The following FAM107A variants were observed in gnomAD, a reference collection of about 807,000 sequenced individuals.
The protein encoded by FAM107A is actin-associated protein FAM107A.
FAM107A carries 19 observed loss-of-function variants against 13.7 expected under a neutral mutation model. That is an observed-to-expected ratio of 1.38 (90% CI 0.97 to 2.03). The LOEUF is 2.03. Among genes scored for constraint, FAM107A ranks in the 30% most tolerant of loss-of-function variants. FAM107A has a pLI of 0.00. For missense variants in FAM107A, 203 were observed against 184.4 expected (o/e 1.10, Z -0.58); for synonymous variants, 82 against 74.5 (o/e 1.10, Z -0.52).
At chr3:58,589,206 C>T, upstream of FAM107A, 1 of 1,531,808 alleles carries the variant, frequency 6.5e-7, no homozygotes, top group Non-Finnish European at 8.7e-7. Context: ...TCTGACTTAC[C>T]TGAGCCATTT....
upstream of FAM107A, among the ~76,000 whole-genome samples, chr3:58,578,180 C>T (rs1021557944): frequency 2.6e-5 from 4 of 152,210 alleles, no homozygotes; most frequent in Non-Finnish European, 5.9e-5. Flanking sequence ...CTGGACTCTA[C>T]GTGATCTGAG....
intron 1 of FAM107A, among the ~76,000 whole-genome samples, chr3:58,619,448 G>A (rs1239882650): frequency 6.6e-6 from 1 of 152,166 alleles, no homozygotes; most frequent in Non-Finnish European, 1.5e-5. Context: ...AGGCTGAAGA[G>A]GGCTGGAAAA....
At chr3:58,626,371 G>T (rs1425268187) in intron 1 of FAM107A, among the ~76,000 whole-genome samples, 1 of 152,166 alleles carries the variant, frequency 6.6e-6, no homozygotes, top group Admixed American at 6.5e-5. Flanking sequence ...CCAGCTGAGA[G>T]CTCAGGCTTA....
chr3:58,621,434 G>A (rs1327485835), intron 1 of FAM107A, among the ~76,000 whole-genome samples: 1 of 152,102 alleles, frequency 6.6e-6, no homozygotes, highest in East Asian at 1.9e-4. Flanking sequence ...TTTTGAACAA[G>A]GGACCCCACA....
intron 1 of FAM107A, among the ~76,000 whole-genome samples, chr3:58,571,724 G>A (rs77853035): frequency 0.023 from 3,430 of 152,266 alleles, 41 homozygotes; most frequent in African/African-American, 0.036. Flanking sequence ...ATTGTCAAGT[G>A]TCGCCCATCC....
chr3:58,610,689 T>C (rs2065845182), intron 1 of FAM107A, among the ~76,000 whole-genome samples: 1 of 152,244 alleles, frequency 6.6e-6, no homozygotes. Context: ...ATCACTGATA[T>C]TCCCAGAGGA....
At chr3:58,585,042 G>C (rs1359216753) in intron 1 of FAM107A, among the ~76,000 whole-genome samples, 1 of 152,224 alleles carries the variant, frequency 6.6e-6, no homozygotes, top group Non-Finnish European at 1.5e-5. Context: ...GTGGTGCAGG[G>C]AAGGAGCCAG....
chr3:58,604,214 G>A lies in FAM107A; in HGVS notation c.-69-14945C>T, dbSNP rs570066986. On this transcript the variant is annotated intron_variant, in intron 1 of 3. Transcript: ENST00000465970. The surrounding 1 kb of genome is among the most constrained non-coding windows in gnomAD (Gnocchi z 4.1). ...TTGCTAGGAGACATTTCTCAAGAAA[G>A]GTTCCTTTGGAAAATGAGCTCAGTC... is the stretch of plus-strand genomic sequence containing the variant. Among the ~76,000 whole-genome samples the A allele has an allele frequency of 3.3e-5, 5 of 152,140 alleles. No individual in the cohort carries two copies. Among genetic ancestry groups the A allele is most frequent in the Admixed American group, 1.3e-4 (2 of 15,286 alleles).
At chr3:58,592,456 G>C (rs374280021) in intron 1 of FAM107A, among the ~76,000 whole-genome samples, 83 of 152,338 alleles carry the variant, frequency 5.4e-4, no homozygotes, top group African/African-American at 1.8e-3. Context: ...TCTTGGTCTA[G>C]ATAGACACTT....
Position 58,595,477 on chromosome 3 carries a change from G to A in FAM107A, c.-69-6208C>T, listed in dbSNP as rs116339382. ...GACAATACACCCTCCCTGCCCTTGC[G>A]ATAATGTATATTCCCTTGCCCTTAA... is the stretch of plus-strand genomic sequence containing the variant. On this transcript the variant is annotated intron_variant, in intron 1 of 3. Coordinates refer to the FAM107A transcript ENST00000465970. Among the ~76,000 whole-genome samples the A allele has an allele frequency of 7.3e-3, 1,105 of 152,196 alleles. 9 individuals carry two copies. Among genetic ancestry groups the A allele is most frequent in the African/African-American group, 0.025 (1,057 of 41,518 alleles).
upstream of FAM107A, among the ~76,000 whole-genome samples, chr3:58,588,807 A>G (rs2065631199): frequency 2.0e-5 from 3 of 151,900 alleles, no homozygotes; most frequent in Non-Finnish European, 2.9e-5. Flanking sequence ...TTACAGGTGC[A>G]CGCAACCGCA....
At chr3:58,568,208 G>A (rs2063642810) in intron 2 of FAM107A, among the ~76,000 whole-genome samples, 1 of 152,144 alleles carries the variant, frequency 6.6e-6, no homozygotes, top group Admixed American at 6.5e-5. Context: ...GCCGAGGAGG[G>A]CGGATCACGA....
In FAM107A at chr3:58,617,353, A is replaced by G. The variant is rs530072601; in HGVS notation, c.-70+10063T>C. ...GCCCCATTTCTGGCTGAGCTCCTGC[A>G]GGTTCTAGGTGTGACATCATCCCTA... On this transcript the variant is annotated intron_variant, in intron 1 of 3. Coordinates refer to the FAM107A transcript ENST00000465970. The surrounding 1 kb of genome is among the most constrained non-coding windows in gnomAD (Gnocchi z 4.5). 1.3e-5 allele frequency among the ~76,000 whole-genome samples: 2 copies of G among 152,212 alleles called. No homozygotes were observed. Among genetic ancestry groups the G allele is most frequent in the Admixed American group, 1.3e-4 (2 of 15,300 alleles).
chr3:58,623,923 G>C (rs1414011971), intron 1 of FAM107A, among the ~76,000 whole-genome samples: 1 of 152,180 alleles, frequency 6.6e-6, no homozygotes, highest in Non-Finnish European at 1.5e-5. Flanking sequence ...TCACAGCCTG[G>C]GGAGCTGGAC....
At chr3:58,583,707 G>T (rs932654148) in intron 1 of FAM107A, among the ~76,000 whole-genome samples, 3 of 151,752 alleles carry the variant, frequency 2.0e-5, no homozygotes, top group Non-Finnish European at 4.4e-5. Context: ...GGGGGACACG[G>T]TCTTGCTCTG....
chr3:58,570,433 A>C, intron 1 of FAM107A: 1 of 943,674 alleles, frequency 1.1e-6, no homozygotes, highest in Non-Finnish European at 1.3e-6. Context: ...CCTAATAGCA[A>C]AGGGATAGTT....
exon 1 of FAM107A, chr3:58,586,988 A>C: frequency 6.7e-7 from 1 of 1,486,516 alleles, no homozygotes; most frequent in Non-Finnish European, 8.9e-7. Context: ...GCGAGCGCAC[A>C]GCAGGAGCGT....
intron 1 of FAM107A, among the ~76,000 whole-genome samples, chr3:58,572,083 T>C (rs1030693284): frequency 1.5e-4 from 23 of 152,132 alleles, no homozygotes; most frequent in Non-Finnish European, 1.0e-4. Flanking sequence ...TTCAAGAATG[T>C]GGCCAGATAC....
At chr3:58,612,689 G>T (rs1201342279) in intron 1 of FAM107A, among the ~76,000 whole-genome samples, 1 of 151,980 alleles carries the variant, frequency 6.6e-6, no homozygotes, top group Non-Finnish European at 1.5e-5. Flanking sequence ...CAATAATAAT[G>T]TATTATTTGA....
Sources: gnomAD v4.1 joint callset for allele counts (sites outside exome capture counted in the v4.1 genomes callset) on GRCh38, gnomAD v4.1.1 for gene constraint, Gnocchi (gnomAD v3.1) non-coding constraint, MANE v1.5 for transcripts, NCBI Gene and HGNC (gene_info 2026-07-23, HGNC 2026-07-21) for gene names.